Variants in ENTHD1 observed in about 807,000 individuals in gnomAD.
The protein encoded by ENTHD1 is ENTH domain-containing protein 1.
Under a neutral mutation model 39.1 loss-of-function variants are expected in ENTHD1, and 23 were observed. The observed-to-expected ratio is 0.59, with a 90% CI of 0.42 to 0.83. The LOEUF is 0.83. Ranked by LOEUF, ENTHD1 falls within the 40% of genes least tolerant of loss-of-function variation. The pLI is 0.00. For synonymous variants in ENTHD1, 230 were observed against 258.2 expected, an observed-to-expected ratio of 0.89 and a Z score of 1.05; for missense variants, 624 against 705.4, an observed-to-expected ratio of 0.88 and a Z score of 1.31.
chr22:39,816,070 T>C (rs2065731431), intron 5 of ENTHD1, among the ~76,000 whole-genome samples: 2 of 152,124 alleles, frequency 1.3e-5, no homozygotes, highest in African/African-American at 4.8e-5. Context: ...ACCTCTCTAC[T>C]GCAGGCCAGA....
chr22:39,755,904 A>C (rs1387949459), intron 6 of ENTHD1, among the ~76,000 whole-genome samples: 1 of 152,198 alleles, frequency 6.6e-6, no homozygotes, highest in Non-Finnish European at 1.5e-5. Context: ...GCAAGAGGTC[A>C]GGTGTCTTGC....
chr22:39,788,877 G>A (rs2065481223), intron 5 of ENTHD1, among the ~76,000 whole-genome samples: 1 of 152,098 alleles, frequency 6.6e-6, no homozygotes, highest in South Asian at 2.1e-4. Flanking sequence ...ATGATTGTTA[G>A]CCTTTTTTAG....
intron 5 of ENTHD1, among the ~76,000 whole-genome samples, chr22:39,789,970 G>A (rs951560813): frequency 6.6e-6 from 1 of 152,124 alleles, no homozygotes; most frequent in African/African-American, 2.4e-5. Flanking sequence ...GATCAGTGGA[G>A]GGCAGAGTGT....
intron 3 of ENTHD1, among the ~76,000 whole-genome samples, chr22:39,840,162 A>G (rs1043012529): frequency 2.0e-5 from 3 of 152,224 alleles, no homozygotes; most frequent in African/African-American, 7.2e-5. Flanking sequence ...TAAGCTACTT[A>G]TCAATTGACA....
intron 5 of ENTHD1, among the ~76,000 whole-genome samples, chr22:39,778,464 G>C (rs1177062887): frequency 1.3e-5 from 2 of 152,154 alleles, no homozygotes; most frequent in Non-Finnish European, 2.9e-5. Flanking sequence ...CTTCGACACA[G>C]AGTAAAAATC....
chr22:39,761,046 C>T (rs917441515), intron 6 of ENTHD1, among the ~76,000 whole-genome samples: 1 of 152,010 alleles, frequency 6.6e-6, no homozygotes, highest in African/African-American at 2.4e-5. Flanking sequence ...ATTTCCAGTG[C>T]TCATCATTTG....
At position 39,743,928 on chromosome 22, in the gene ENTHD1, G is replaced by A. The variant is rs1278765657; in HGVS notation, c.1575C>T (p.Ile525=). 1.9e-6 allele frequency: 3 copies of A among 1,614,022 alleles called. No individual in the cohort carries two copies. The African/African-American group carries it at 4.0e-5, about 22-fold the overall frequency. Residue 525 remains isoleucine, a synonymous_variant, in exon 7 of 7, where the codon ATC becomes ATT. Transcript: ENST00000325157. ...EFSTQNVDQF[I]PLSCSGFQST... The stretch of plus-strand genomic sequence containing the variant: ...ACTGAAAACCAGAACAGGACAGAGG[G>A]ATGAACTGGTCTACATTTTGGGTGG...
intron 4 of ENTHD1, among the ~76,000 whole-genome samples, chr22:39,822,453 A>G (rs1458772698): frequency 1.3e-5 from 2 of 152,140 alleles, no homozygotes; most frequent in African/African-American, 4.8e-5. Context: ...TATGAATGTA[A>G]TCATACACTA....
At chr22:39,823,089 A>G (rs1284412886) in intron 4 of ENTHD1, among the ~76,000 whole-genome samples, 2 of 152,222 alleles carry the variant, frequency 1.3e-5, no homozygotes, top group African/African-American at 4.8e-5. Flanking sequence ...TATAGTTGTG[A>G]CATTTGAAGA....
Position 39,743,121 on chromosome 22 carries a change from A to G in ENTHD1, c.*558T>C, listed in dbSNP as rs2065072483. 6.6e-6 allele frequency: 1 copy of G among 152,258 alleles called. No homozygotes were observed. The highest frequency in any genetic ancestry group is 1.5e-5 in the Non-Finnish European group (1 of 68,066). 9.4% of individuals were successfully genotyped at this position (152,258 alleles called of 1,614,324 possible). ...TCACCTTGCAATATACATTGACAGT[A>G]AAAACATTTGCCCCATGTCCTTCTT... is the stretch of plus-strand genomic sequence containing the variant. On this transcript the variant is annotated 3_prime_UTR_variant, in exon 7 of 7. Transcript: ENST00000325157.
At chr22:39,865,490 T>C (rs2066175111) in intron 2 of ENTHD1, among the ~76,000 whole-genome samples, 1 of 152,068 alleles carries the variant, frequency 6.6e-6, no homozygotes, top group Non-Finnish European at 1.5e-5. Context: ...ACAACAGTAA[T>C]AATTAGCACC....
rs1259434941 is a variant in ENTHD1, at chr22:39,872,522, G to C, written c.350-10515C>G. Among the ~76,000 whole-genome samples the C allele has an allele frequency of 7.6e-4, 115 of 152,200 alleles. 1 individual carries two copies. ...TCCCCCCACTGCCCAACAAAACCTA[G>C]TGTAAATATAAATAAATGTATTATG... On this transcript the variant is annotated intron_variant, in intron 2 of 6. Coordinates refer to ENST00000325157, the MANE Select transcript of ENTHD1 (RefSeq NM_152512.4).
At position 39,763,498 on chromosome 22, in the gene ENTHD1, G is replaced by A. The variant is rs984542121; in HGVS notation, c.1219+1725C>T. On this transcript the variant is annotated intron_variant, in intron 6 of 6. Transcript: ENST00000325157. ...CTCAGTGAGACTGCGGAAAGCCTAC[G>A]CCTCTGATTTTTCTTCAGCTTCTAT... Among the ~76,000 whole-genome samples the A allele has an allele frequency of 2.6e-5, 4 of 152,202 alleles. 1 individual carries two copies. Among genetic ancestry groups the A allele is most frequent in the Middle Eastern group, 6.8e-3 (2 of 292 alleles).
chr22:39,782,080 A>T (rs1176365466), intron 5 of ENTHD1, among the ~76,000 whole-genome samples: 3 of 152,226 alleles, frequency 2.0e-5, no homozygotes, highest in Non-Finnish European at 4.4e-5. Flanking sequence ...TGAGGCCAGG[A>T]GTTCAAGACT....
intron 6 of ENTHD1, among the ~76,000 whole-genome samples, chr22:39,753,162 T>A (rs2065159970): frequency 6.6e-6 from 1 of 152,170 alleles, no homozygotes; most frequent in African/African-American, 2.4e-5. Flanking sequence ...GAATACTGAA[T>A]TTTTTCCTCC....
At chr22:39,884,242 G>C (rs1046472240) in intron 2 of ENTHD1, among the ~76,000 whole-genome samples, 1 of 151,892 alleles carries the variant, frequency 6.6e-6, no homozygotes, top group Non-Finnish European at 1.5e-5. Context: ...GCAGTGGTGT[G>C]ATCTTGGCTC....
intron 3 of ENTHD1, among the ~76,000 whole-genome samples, chr22:39,850,163 G>GA (rs2146702988): frequency 6.6e-6 from 1 of 152,178 alleles, no homozygotes; most frequent in African/African-American, 2.4e-5. Flanking sequence ...TATCAATAAA[G>GA]ATGTTTTGAA....
intron 5 of ENTHD1, among the ~76,000 whole-genome samples, chr22:39,817,756 A>C (rs182392124): frequency 7.2e-5 from 11 of 152,314 alleles, no homozygotes; most frequent in Admixed American, 5.9e-4. Flanking sequence ...AAATGGGCAA[A>C]GTCTTCTGGG....
At chr22:39,878,611 A>T (rs2066310143) in intron 2 of ENTHD1, among the ~76,000 whole-genome samples, 1 of 152,138 alleles carries the variant, frequency 6.6e-6, no homozygotes, top group Non-Finnish European at 1.5e-5. Flanking sequence ...AAAGTGAAGG[A>T]GAAATAAAGA....
Sources: gnomAD v4.1 joint callset for allele counts (sites outside exome capture counted in the v4.1 genomes callset) on GRCh38, gnomAD v4.1.1 for gene constraint, MANE v1.5 for transcripts, NCBI Gene and HGNC (gene_info 2026-07-23, HGNC 2026-07-21) for gene names.